The following SMAP2 variants were observed in gnomAD, a reference collection of about 807,000 sequenced individuals.
SMAP2 encodes the protein small ArfGAP2, also known as stromal membrane-associated protein 2.
A neutral mutation model predicts 56.4 loss-of-function variants in SMAP2; 25 were observed. The ratio of observed to expected loss-of-function variants is 0.44; its 90% CI spans 0.32 to 0.62. SMAP2 has a LOEUF of 0.62. Among genes scored for constraint, SMAP2 ranks in the 20% least tolerant of loss-of-function variants. SMAP2 has a pLI of 0.04. For missense variants in SMAP2, 388 were observed against 545.6 expected (o/e 0.71, Z 2.88); for synonymous variants, 157 against 181.7 (o/e 0.86, Z 1.09).
At chr1:40,352,625 AAC>A (rs761067521) in intron 1 of SMAP2, among the ~76,000 whole-genome samples, 8 of 151,220 alleles carry the variant, frequency 5.3e-5, no homozygotes, top group Non-Finnish European at 1.0e-4. Context: ...TGCAACCTTG[AAC>A]TCCCAGGCTC....
chr1:40,399,565 G>T (rs1380051141), intron 1 of SMAP2, among the ~76,000 whole-genome samples: 1 of 149,866 alleles, frequency 6.7e-6, no homozygotes, highest in African/African-American at 2.5e-5. Flanking sequence ...AGCTGAGCGT[G>T]GTGGCTCATG....
chr1:40,406,784 G>A lies in SMAP2; in HGVS notation c.152G>A (p.Cys51Tyr). Residue 51 changes from cysteine (C) to tyrosine (Y), a missense_variant, in exon 2 of 10, where the codon TGT becomes TAT. Coordinates refer to ENST00000372718, the MANE Select transcript of SMAP2 (RefSeq NM_022733.3). ...ATTGGTGTGTTCATCTGCATTCGAT[G>A]TGCTGGAATCCACAGGAATCTGGGG... Reference protein sequence around the residue: ...WNIGVFICIRCAGIHRNLGVH... With the variant: ...WNIGVFICIRYAGIHRNLGVH... 1 of 1,614,150 alleles carries A rather than the reference G, an allele frequency of 6.2e-7. No homozygotes were observed. The highest frequency in any genetic ancestry group is 8.5e-7 in the Non-Finnish European group (1 of 1,179,998).
chr1:40,403,232 G>A (rs1386621234), intron 1 of SMAP2, among the ~76,000 whole-genome samples: 6 of 152,304 alleles, frequency 3.9e-5, no homozygotes, highest in Middle Eastern at 3.4e-3. Context: ...CTGGCTGAGC[G>A]CGGTGGCTCA....
At chr1:40,416,106 G>A in intron 7 of SMAP2, 70 bp from the exon 8 acceptor site, 1 of 1,438,698 alleles carries the variant, frequency 7.0e-7, no homozygotes, top group South Asian at 1.3e-5. Flanking sequence ...CAGCAGAGAG[G>A]GAAGGGAGAC....
upstream of SMAP2, among the ~76,000 whole-genome samples, chr1:40,372,946 C>T (rs2124196091): frequency 6.6e-6 from 1 of 152,296 alleles, no homozygotes; most frequent in Middle Eastern, 3.4e-3. Context: ...AGGAAAAGGA[C>T]AGCCAATGAG....
intron 1 of SMAP2, among the ~76,000 whole-genome samples, chr1:40,361,333 A>G (rs1644459087): frequency 6.6e-6 from 1 of 152,124 alleles, no homozygotes; most frequent in Admixed American, 6.5e-5. Context: ...CCGAATGATC[A>G]GCAGCAGTAC....
Position 40,413,993 on chromosome 1 carries a change from C to T in SMAP2, c.490-166C>T, listed in dbSNP as rs777531788. 298 of 616,138 alleles carry T rather than the reference C, an allele frequency of 4.8e-4. 2 individuals are homozygous for T. The highest frequency in any genetic ancestry group is 4.9e-4 in the Non-Finnish European group (171 of 350,626). 38.2% of individuals were successfully genotyped at this position (616,138 alleles called of 1,614,324 possible). ...AGGTTTGGTTTATGCACTTCTGCCTCCTGACTTGATTCTTTCACCTAATAC... is the reference window on the plus strand; with the variant it reads ...AGGTTTGGTTTATGCACTTCTGCCTTCTGACTTGATTCTTTCACCTAATAC... On this transcript the variant is annotated intron_variant, in intron 5 of 9. Coordinates refer to ENST00000372718, the MANE Select transcript of SMAP2 (RefSeq NM_022733.3).
intron 1 of SMAP2, among the ~76,000 whole-genome samples, chr1:40,397,786 A>G (rs1198890964): frequency 2.0e-5 from 3 of 152,280 alleles, no homozygotes; most frequent in South Asian, 4.1e-4. Context: ...GGCTATTAGC[A>G]ATAGAGAAAG....
At chr1:40,405,638 C>G (rs1442535065) in intron 1 of SMAP2, among the ~76,000 whole-genome samples, 1 of 152,154 alleles carries the variant, frequency 6.6e-6, no homozygotes, top group Admixed American at 6.5e-5. Context: ...TTTATTGCAT[C>G]CTCTAATTTT....
At chr1:40,403,235 G>T (rs2124325775) in intron 1 of SMAP2, among the ~76,000 whole-genome samples, 1 of 152,338 alleles carries the variant, frequency 6.6e-6, no homozygotes, top group Admixed American at 6.5e-5. Flanking sequence ...GCTGAGCGCG[G>T]TGGCTCACGC....
rs1644974605 is a variant in SMAP2, at chr1:40,415,151, C to G, written c.572-121C>G. ...GAAGCCCCGTCCATGCTAGATGGTT[C>G]CAGAAGTCTAGATTTCTAGGTCCAT... is the stretch of plus-strand genomic sequence containing the variant. On this transcript the variant is annotated intron_variant, in intron 6 of 9. Coordinates refer to ENST00000372718, the MANE Select transcript of SMAP2 (RefSeq NM_022733.3). 3 of 745,012 alleles carry G rather than the reference C, an allele frequency of 4.0e-6. No individual in the cohort carries two copies. In the African/African-American group the frequency reaches 5.3e-5, roughly 13 times the overall value. 46.2% of individuals were successfully genotyped at this position (745,012 alleles called of 1,614,324 possible).
chr1:40,383,112 C>T, intron 1 of SMAP2, among the ~76,000 whole-genome samples: 1 of 152,166 alleles, frequency 6.6e-6, no homozygotes, highest in East Asian at 1.9e-4. Flanking sequence ...GCTAGAAGAG[C>T]CAAGAAGCTG....
At chr1:40,399,055 CA>C in intron 1 of SMAP2, among the ~76,000 whole-genome samples, 1 of 152,132 alleles carries the variant, frequency 6.6e-6, no homozygotes, top group African/African-American at 2.4e-5. Context: ...TTTGGGAGGC[CA>C]AAGTAGGAAA....
intron 1 of SMAP2, 29 bp from the exon 2 acceptor site, chr1:40,406,707 C>CT (rs1644889005): frequency 6.3e-7 from 1 of 1,581,344 alleles, no homozygotes; most frequent in African/African-American, 1.4e-5. Flanking sequence ...GTAATTTGTA[C>CT]TTTATTGCCC....
intron 1 of SMAP2, among the ~76,000 whole-genome samples, chr1:40,356,503 C>T (rs777992635): frequency 4.0e-5 from 6 of 151,638 alleles, no homozygotes; most frequent in East Asian, 3.9e-4. Flanking sequence ...CTCTGCCTCC[C>T]GGGTCCACAC....
chr1:40,345,097 T>C (rs1644380070), intron 1 of SMAP2, among the ~76,000 whole-genome samples: 1 of 152,082 alleles, frequency 6.6e-6, no homozygotes, highest in Non-Finnish European at 1.5e-5. Context: ...TATTTTTTGT[T>C]GTCATTTGTA....
At chr1:40,398,885 A>G (rs907383993) in intron 1 of SMAP2, among the ~76,000 whole-genome samples, 3 of 152,242 alleles carry the variant, frequency 2.0e-5, no homozygotes, top group African/African-American at 4.8e-5. Context: ...AGTATATGAT[A>G]GTGAATGTTA....
Position 40,374,618 on chromosome 1 carries a change from T to G in SMAP2, c.103+395T>G. 1.4e-6 allele frequency: 2 copies of G among 1,408,408 alleles called. No homozygotes were observed. The highest frequency in any genetic ancestry group is 1.3e-5 in the South Asian group (1 of 78,668). 87.2% of individuals were successfully genotyped at this position (1,408,408 alleles called of 1,614,324 possible). A position where few individuals can be genotyped will look rare whatever the true frequency, so the allele number is the denominator to read the frequency against. On this transcript the variant is annotated intron_variant, in intron 1 of 9. Transcript: ENST00000372718. The surrounding 1 kb of genome is among the most constrained non-coding windows in gnomAD (Gnocchi z 5.9). ...GTGCGTGTGTGTGTGTGTGTGTGTGTGTGTGTGAGAGAGAGAGAGAGAGAA... is the reference window on the plus strand; with the variant it reads ...GTGCGTGTGTGTGTGTGTGTGTGTGGGTGTGTGAGAGAGAGAGAGAGAGAA...
In SMAP2 at chr1:40,417,059, T is replaced by A. The variant is rs1339170891; in HGVS notation, c.1127T>A (p.Val376Asp). ...MAAMPQTVYGVQPAQQLQWNL... is the reference protein window; with the variant it reads ...MAAMPQTVYGDQPAQQLQWNL... ...GCTATGCCCCAGACTGTGTATGGGG[T>A]CCAGCCAGCTCAGCAGCTGCAATGG... The change falls in exon 9 of 10, where the codon GTC (valine) becomes GAC (aspartate). Residue 376 changes from valine (V) to aspartate (D), a missense_variant. Transcript: ENST00000372718. 3 of 1,605,374 alleles carry A rather than the reference T, an allele frequency of 1.9e-6. No homozygotes were observed. Among genetic ancestry groups the A allele is most frequent in the Non-Finnish European group, 2.6e-6 (3 of 1,172,860 alleles).
Sources: allele counts gnomAD v4.1 joint callset (sites outside exome capture counted in the v4.1 genomes callset), GRCh38; gene constraint gnomAD v4.1.1; non-coding constraint Gnocchi (gnomAD v3.1); transcripts MANE v1.5; gene names NCBI Gene and HGNC (gene_info 2026-07-23, HGNC 2026-07-21).